MICU2: variants seen among roughly 807,000 people sequenced by gnomAD.
MICU2 encodes calcium uptake protein 2, mitochondrial.
In MICU2, 64 loss-of-function variants were observed where a neutral mutation model predicts 60.4. That is an observed-to-expected ratio of 1.06 (90% CI 0.87 to 1.31). MICU2 has a LOEUF of 1.31. Ranked by LOEUF, MICU2 falls within the 50% of genes most tolerant of loss-of-function variation. The pLI is 0.00. For synonymous variants in MICU2, 201 were observed against 175.0 expected, an observed-to-expected ratio of 1.15 and a Z score of -1.17; for missense variants, 569 against 531.0, an observed-to-expected ratio of 1.07 and a Z score of -0.70.
intron 1 of MICU2, among the ~76,000 whole-genome samples, chr13:21,591,647 T>C (rs1356640478): frequency 6.6e-6 from 1 of 152,118 alleles, no homozygotes; most frequent in Non-Finnish European, 1.5e-5. Context: ...CCTCAGGAAA[T>C]GCAAAAGAAC....
intron 2 of MICU2, among the ~76,000 whole-genome samples, chr13:21,555,658 AGGTTACT>A (rs2138025122): frequency 6.6e-6 from 1 of 152,288 alleles, no homozygotes; most frequent in East Asian, 1.9e-4. Context: ...GACTTTAATA[AGGTTACT>A]GGCAATCATA....
intron 2 of MICU2, among the ~76,000 whole-genome samples, chr13:21,556,502 G>T (rs1887711972): frequency 6.6e-6 from 1 of 152,176 alleles, no homozygotes; most frequent in Non-Finnish European, 1.5e-5. Flanking sequence ...ATATATTGAA[G>T]ATTCTTAAAT....
At chr13:21,545,423 G>A (rs552789877) in intron 2 of MICU2, among the ~76,000 whole-genome samples, 12 of 152,370 alleles carry the variant, frequency 7.9e-5, no homozygotes, top group African/African-American at 2.6e-4. Flanking sequence ...GCTCACGCCT[G>A]TAATCCCAGC....
At chr13:21,563,178 G>A (rs1051166331) in intron 2 of MICU2, among the ~76,000 whole-genome samples, 2 of 151,870 alleles carry the variant, frequency 1.3e-5, no homozygotes, top group Non-Finnish European at 2.9e-5. Context: ...TTTTCTGGCC[G>A]GGCGTGGTGG....
chr13:21,573,386 C>A lies in MICU2; in HGVS notation c.211-6442G>T, dbSNP rs549806243. On this transcript the variant is annotated intron_variant, in intron 1 of 11. Transcript: ENST00000382374. ...CCTCCTGGGTTCATGCCATTCTCCT[C>A]CTCAGCCTCCTGAGTAGCTGGGACT... Among the ~76,000 whole-genome samples, 27 of 152,202 alleles carry A rather than the reference C, an allele frequency of 1.8e-4. No homozygotes were observed. In the South Asian group the frequency reaches 4.3e-3, roughly 25 times the overall value.
chr13:21,539,186 C>T (rs1887212250), intron 4 of MICU2, 116 bp downstream of exon 4: 1 of 858,792 alleles, frequency 1.2e-6, no homozygotes. Context: ...CTCCTTACTT[C>T]ATGTTTTAAA....
At chr13:21,556,318 A>G (rs969059584) in intron 2 of MICU2, among the ~76,000 whole-genome samples, 6 of 152,094 alleles carry the variant, frequency 3.9e-5, no homozygotes, top group Non-Finnish European at 7.4e-5. Flanking sequence ...TAAATTTCAC[A>G]ACACTCTGCT....
intron 1 of MICU2, among the ~76,000 whole-genome samples, chr13:21,584,158 G>A (rs577056962): frequency 1.4e-4 from 22 of 152,264 alleles, no homozygotes; most frequent in South Asian, 1.2e-3. Flanking sequence ...GGGAGGCTGG[G>A]GCGGGTGGAT....
chr13:21,497,291 T>G (rs1354402624), intron 9 of MICU2, among the ~76,000 whole-genome samples: 1 of 147,136 alleles, frequency 6.8e-6, no homozygotes, highest in Admixed American at 6.8e-5. Flanking sequence ...TTTAAACCCG[T>G]GAGGCGGAGG....
At chr13:21,500,434 T>TGG in intron 9 of MICU2, among the ~76,000 whole-genome samples, 1 of 127,688 alleles carries the variant, frequency 7.8e-6, no homozygotes, top group Non-Finnish European at 1.7e-5. Context: ...TTTTTTTTTT[T>TGG]TTTTTTTTTT....
At chr13:21,551,886 G>A (rs1025774552) in intron 2 of MICU2, among the ~76,000 whole-genome samples, 4 of 152,042 alleles carry the variant, frequency 2.6e-5, no homozygotes, top group African/African-American at 7.2e-5. Flanking sequence ...TAGTGCCGCA[G>A]TAAACATACG....
chr13:21,545,453 GA>G (rs550113994), intron 2 of MICU2, among the ~76,000 whole-genome samples: 118 of 152,320 alleles, frequency 7.7e-4, no homozygotes, highest in African/African-American at 2.8e-3. Flanking sequence ...GGCCGAGGCG[GA>G]CAGATCACCT....
chr13:21,530,631 T>C (rs1886968768), intron 4 of MICU2: 1 of 287,882 alleles, frequency 3.5e-6, no homozygotes, highest in East Asian at 7.8e-5. Flanking sequence ...AAAGATTATC[T>C]ACTATGTCTC....
At position 21,574,996 on chromosome 13, in the gene MICU2, C is replaced by A. The variant is rs574000851; in HGVS notation, c.211-8052G>T. 2.0e-5 allele frequency among the ~76,000 whole-genome samples: 3 copies of A among 152,350 alleles called. No homozygotes were observed. In the East Asian group the frequency reaches 5.8e-4, roughly 29 times the overall value. ...TACAAAATGACAGCCAATGAGACAA[C>A]TGTCATTCCTGGGAAACCTGGAAGC... is the stretch of plus-strand genomic sequence containing the variant. On this transcript the variant is annotated intron_variant, in intron 1 of 11. Coordinates refer to ENST00000382374, the MANE Select transcript of MICU2 (RefSeq NM_152726.3).
intron 1 of MICU2, among the ~76,000 whole-genome samples, chr13:21,593,515 A>G (rs748936318): frequency 6.6e-6 from 1 of 150,848 alleles, no homozygotes; most frequent in Non-Finnish European, 1.5e-5. Context: ...AAAAAAACAC[A>G]AAAACTATTT....
At chr13:21,507,172 G>A (rs1002541948) in intron 8 of MICU2, among the ~76,000 whole-genome samples, 2 of 152,058 alleles carry the variant, frequency 1.3e-5, no homozygotes, top group African/African-American at 4.8e-5. Flanking sequence ...TAAAAAAATT[G>A]CATGATGGTA....
chr13:21,567,033 T>C, intron 1 of MICU2, 89 bp from the exon 2 acceptor site: 3 of 1,138,392 alleles, frequency 2.6e-6, no homozygotes, highest in Non-Finnish European at 3.6e-6. Flanking sequence ...ACTTTCACGC[T>C]TGGATCTGAC....
chr13:21,535,660 G>A (rs1230213341), intron 4 of MICU2, among the ~76,000 whole-genome samples: 2 of 151,888 alleles, frequency 1.3e-5, no homozygotes, highest in Admixed American at 6.6e-5. Flanking sequence ...AAAAAATATA[G>A]CAATATTACC....
chr13:21,584,492 C>G (rs575211832), intron 1 of MICU2, among the ~76,000 whole-genome samples: 2 of 151,776 alleles, frequency 1.3e-5, no homozygotes, highest in African/African-American at 4.8e-5. Flanking sequence ...GTTTCTAGTA[C>G]ACAACACACA....
Sources: gnomAD v4.1 joint callset for allele counts (sites outside exome capture counted in the v4.1 genomes callset) on GRCh38, gnomAD v4.1.1 for gene constraint, MANE v1.5 for transcripts, NCBI Gene and HGNC (gene_info 2026-07-23, HGNC 2026-07-21) for gene names.